Variants in GRIP1 observed in about 807,000 individuals in gnomAD.
GRIP1 encodes the protein glutamate receptor interacting protein 1.
A neutral mutation model predicts 129.9 loss-of-function variants in GRIP1; 45 were observed. That is an observed-to-expected ratio of 0.35 (90% confidence interval 0.27 to 0.44). GRIP1 has a LOEUF of 0.44. Among genes scored for constraint, GRIP1 ranks in the 20% least tolerant of loss-of-function variants. The probability of loss-of-function intolerance (pLI) is 1.00; values close to 1 mark genes in which losing one functional copy is unlikely to be tolerated. For synonymous variants in GRIP1, 530 were observed against 520.8 expected, an observed-to-expected ratio of 1.02 and a Z score of -0.24; for missense variants, 1,196 against 1,396.8, an observed-to-expected ratio of 0.86 and a Z score of 2.29.
intron 1 of GRIP1, among the ~76,000 whole-genome samples, chr12:67,004,382 G>A (rs2042597199): frequency 6.6e-6 from 1 of 152,176 alleles, no homozygotes; most frequent in Admixed American, 6.5e-5. Context: ...GGTAGGTGAA[G>A]GATTTGAGAT....
At chr12:66,933,724 A>T (rs917574981) in intron 1 of GRIP1, among the ~76,000 whole-genome samples, 1 of 152,206 alleles carries the variant, frequency 6.6e-6, no homozygotes. Flanking sequence ...CATATATAGT[A>T]CAATAATGTT....
At chr12:66,495,753 G>A (rs1218817273) in intron 7 of GRIP1, among the ~76,000 whole-genome samples, 2 of 152,078 alleles carry the variant, frequency 1.3e-5, no homozygotes, top group Non-Finnish European at 2.9e-5. Flanking sequence ...GATTCCACAA[G>A]GCGAATGTAC....
At chr12:66,741,343 C>A (rs935384202) in intron 1 of GRIP1, among the ~76,000 whole-genome samples, 2 of 152,152 alleles carry the variant, frequency 1.3e-5, no homozygotes, top group Non-Finnish European at 2.9e-5. Flanking sequence ...CTCATCTCCA[C>A]CTCCTACATT....
At chr12:66,681,961 C>T (rs986832657), upstream of GRIP1, among the ~76,000 whole-genome samples, 4 of 152,070 alleles carry the variant, frequency 2.6e-5, no homozygotes, top group Non-Finnish European at 2.9e-5. Flanking sequence ...TATCATGGAG[C>T]GACTCTGTTA....
At chr12:66,478,987 C>A (rs935946092) in intron 7 of GRIP1, among the ~76,000 whole-genome samples, 1 of 151,398 alleles carries the variant, frequency 6.6e-6, no homozygotes, top group Non-Finnish European at 1.5e-5. Flanking sequence ...ATGTAACAAA[C>A]CTGCACGTTG....
intron 1 of GRIP1, among the ~76,000 whole-genome samples, chr12:66,690,242 A>C (rs2034932904): frequency 6.6e-6 from 1 of 152,058 alleles, no homozygotes; most frequent in Non-Finnish European, 1.5e-5. Flanking sequence ...TTTAGATTCC[A>C]CATATAAGTG....
intron 2 of GRIP1, among the ~76,000 whole-genome samples, chr12:66,561,146 A>G (rs1222028816): frequency 1.3e-5 from 2 of 152,204 alleles, no homozygotes; most frequent in Non-Finnish European, 2.9e-5. Flanking sequence ...AATTGAATTC[A>G]TGGAGCTAGA....
intron 13 of GRIP1, among the ~76,000 whole-genome samples, chr12:66,436,992 A>T (rs2058328749): frequency 7.9e-6 from 1 of 126,922 alleles, no homozygotes; most frequent in East Asian, 2.1e-4. Flanking sequence ...AAAAAAAAAA[A>T]AAAAGGAGAA....
At chr12:66,423,614 A>G (rs7397085) in intron 14 of GRIP1, among the ~76,000 whole-genome samples, 72,363 of 152,150 alleles carry the variant, frequency 0.48, 20,633 homozygotes, top group Non-Finnish European at 0.63. Flanking sequence ...AACACCAACT[A>G]TGAGACAAGC....
chr12:66,427,565 G>T (rs1156995006), intron 14 of GRIP1, among the ~76,000 whole-genome samples: 1 of 152,112 alleles, frequency 6.6e-6, no homozygotes, highest in African/African-American at 2.4e-5. Flanking sequence ...AAGCATTTTG[G>T]TTCCCCATAG....
chr12:66,539,545 C>CTTTTTTTTTTTTT lies in GRIP1; in HGVS notation c.273-335_273-323dup, dbSNP rs35373698. ...CACCATAAAACAAAATCAAGAGAAG[C>CTTTTTTTTTTTTT]TTTTTTTTTTTTTTTTTTTTTTTTC... On this transcript the variant is annotated intron_variant, in intron 3 of 24. Coordinates refer to ENST00000359742, the MANE Select transcript of GRIP1 (RefSeq NM_001366722.1). 2.0e-4 allele frequency among the ~76,000 whole-genome samples: 12 copies of CTTTTTTTTTTTTT among 59,290 alleles called. 1 individual carries two copies. The highest frequency in any genetic ancestry group is 2.7e-4 in the Non-Finnish European group (9 of 33,398). 38.9% of individuals were successfully genotyped at this position (59,290 alleles called of 152,430 possible).
chr12:66,864,076 T>G (rs2040158653), intron 1 of GRIP1, among the ~76,000 whole-genome samples: 1 of 152,084 alleles, frequency 6.6e-6, no homozygotes, highest in Non-Finnish European at 1.5e-5. Context: ...TCTCCACCAT[T>G]GACAAAGAGT....
At position 66,464,962 on chromosome 12, in the gene GRIP1, T is replaced by C. The variant is rs182359209; in HGVS notation, c.872+313A>G. Among the ~76,000 whole-genome samples, 375 of 151,296 alleles carry C rather than the reference T, an allele frequency of 2.5e-3. 7 individuals are homozygous for C. Among genetic ancestry groups the C allele is most frequent in the African/African-American group, 8.6e-3 (352 of 41,130 alleles). ...TCTTTCTTTCTTTCTTTCTTTTTTT[T>C]TTTTTGAGATGGAGTTTCACTCTTG... On this transcript the variant is annotated intron_variant, in intron 8 of 24. Coordinates refer to ENST00000359742, the MANE Select transcript of GRIP1 (RefSeq NM_001366722.1).
chr12:66,429,097 A>G (rs1205754876), intron 14 of GRIP1, among the ~76,000 whole-genome samples: 1 of 152,230 alleles, frequency 6.6e-6, no homozygotes, highest in Non-Finnish European at 1.5e-5. Context: ...ATCGGAACTT[A>G]AGAAAATTAG....
At chr12:67,004,431 G>T (rs2042597897) in intron 1 of GRIP1, among the ~76,000 whole-genome samples, 2 of 152,024 alleles carry the variant, frequency 1.3e-5, no homozygotes, top group African/African-American at 4.8e-5. Context: ...AAAGTGAGTT[G>T]GATTAAATTA....
intron 1 of GRIP1, among the ~76,000 whole-genome samples, chr12:67,022,400 T>C (rs1173588181): frequency 6.6e-6 from 1 of 152,232 alleles, no homozygotes; most frequent in Non-Finnish European, 1.5e-5. Context: ...CATTAACATT[T>C]ATGTACATGT....
intron 1 of GRIP1, among the ~76,000 whole-genome samples, chr12:66,694,578 GATA>G (rs1470269214): frequency 6.6e-6 from 1 of 152,018 alleles, no homozygotes; most frequent in East Asian, 1.9e-4. Flanking sequence ...TATAAATGAA[GATA>G]ATAAAAATAT....
rs1376128330 is a variant in GRIP1, at chr12:66,392,328, T to G, written c.2444A>C (p.Asp815Ala). 6.2e-7 allele frequency: 1 copy of G among 1,608,824 alleles called. No homozygotes were observed. Among genetic ancestry groups the G allele is most frequent in the African/African-American group, 1.3e-5 (1 of 74,820 alleles). Residue 815 changes from aspartate to alanine, a missense_variant, in exon 19 of 25, where the codon GAC becomes GCC. This residue lies in a region of GRIP1 where 427 missense variants were observed against 463.3 expected (regional missense o/e 0.92). Transcript: ENST00000359742. Reference protein sequence around the residue: ...AVDSWDGSAIDTSYGTQGTSF... With the variant: ...AVDSWDGSAIATSYGTQGTSF... The stretch of plus-strand genomic sequence containing the variant: ...CATACCTTGAGTTCCATAGCTGGTG[T>G]CTATTGCAGACCCATCCCATGAATC...
At chr12:66,923,003 A>T (rs1419912914) in intron 1 of GRIP1, among the ~76,000 whole-genome samples, 1 of 152,230 alleles carries the variant, frequency 6.6e-6, no homozygotes, top group African/African-American at 2.4e-5. Flanking sequence ...TGCTGCAGGT[A>T]AAGCTGAGCC....
Sources: allele counts gnomAD v4.1 joint callset (sites outside exome capture counted in the v4.1 genomes callset), GRCh38; gene constraint gnomAD v4.1.1; regional missense constraint gnomAD v4.1.1; transcripts MANE v1.5; gene names NCBI Gene and HGNC (gene_info 2026-07-23, HGNC 2026-07-21).